DPYS: variants seen among roughly 807,000 people sequenced by gnomAD.
The protein encoded by DPYS is dihydropyrimidinase, also known as dihydropyrimidine amidohydrolase.
DPYS carries 39 observed loss-of-function variants against 50.3 expected under a neutral mutation model. That is an observed-to-expected ratio of 0.78 (90% CI 0.60 to 1.01). The LOEUF (loss-of-function observed/expected upper bound fraction) is 1.01. DPYS is among the 50% of genes least tolerant of loss of function. DPYS has a pLI of 0.00. For missense variants in DPYS, 659 were observed against 680.9 expected, an observed-to-expected ratio of 0.97 and a Z score of 0.36; for synonymous variants, 245 against 250.7, an observed-to-expected ratio of 0.98 and a Z score of 0.22.
At position 104,381,207 on chromosome 8, in the gene DPYS, G is replaced by A. The variant is rs766965467; in HGVS notation, c.1551C>T (p.Ala517=). 16 of 1,613,892 alleles carry A rather than the reference G, an allele frequency of 9.9e-6. No individual in the cohort carries two copies. In the South Asian group the frequency reaches 1.5e-4, roughly 16 times the overall value. ...ACCGATGGCACACACTTCAGGGGTG[G>A]GCCTGTTTCCTGGTCCCTGCTGTGG... is the stretch of plus-strand genomic sequence containing the variant. ...EDATAGTRKQ[A]HP The change falls in exon 9 of 10, where the codon GCC becomes GCT. Residue 517 remains alanine, a synonymous_variant. Coordinates refer to ENST00000351513, the MANE Select transcript of DPYS (RefSeq NM_001385.3).
intron 7 of DPYS, among the ~76,000 whole-genome samples, chr8:104,421,823 G>A (rs56215468): frequency 0.061 from 9,233 of 152,204 alleles, 423 homozygotes; most frequent in Non-Finnish European, 0.098. Flanking sequence ...ATCTTTATGT[G>A]CTATTCTGAA....
chr8:104,426,368 C>A (rs1309081108), intron 6 of DPYS, among the ~76,000 whole-genome samples: 1 of 152,126 alleles, frequency 6.6e-6, no homozygotes. Context: ...CAGTACAGAA[C>A]AAGAGTTCTT....
chr8:104,443,019 G>A lies in DPYS; in HGVS notation c.793+1229C>T, dbSNP rs192385599. ...TTCAGTGAGCCAAGATTGTACCACTGCACTCCAGCCTGGGCAACAGAGTGA... is the reference window on the plus strand; with the variant it reads ...TTCAGTGAGCCAAGATTGTACCACTACACTCCAGCCTGGGCAACAGAGTGA... On this transcript the variant is annotated intron_variant, in intron 4 of 9. Transcript: ENST00000351513. Among the ~76,000 whole-genome samples the A allele has an allele frequency of 2.9e-4, 44 of 152,278 alleles. 1 individual carries two copies. The highest frequency in any genetic ancestry group is 1.2e-3 in the Admixed American group (19 of 15,298).
intron 4 of DPYS, among the ~76,000 whole-genome samples, chr8:104,438,586 A>G (rs1409678750): frequency 6.6e-6 from 1 of 152,118 alleles, no homozygotes; most frequent in East Asian, 1.9e-4. Context: ...CTTCTCACTA[A>G]TTGTTTCTAC....
At chr8:104,386,989 T>C (rs1366537736) in intron 8 of DPYS, among the ~76,000 whole-genome samples, 1 of 152,174 alleles carries the variant, frequency 6.6e-6, no homozygotes, top group African/African-American at 2.4e-5. Context: ...GTATTAATGA[T>C]TGAATGCTGT....
Position 104,466,799 on chromosome 8 carries a change from G to A in DPYS, c.122C>T (p.Pro41Leu), listed in dbSNP as rs758538156. Reference sequence around the variant, plus strand: ...CAGCCCCGCAGGAGCGCCCCCGGGAGGCAGCAGGTCGTGCCCGAGTGCCCG... The same window carrying A: ...CAGCCCCGCAGGAGCGCCCCCGGGAAGCAGCAGGTCGTGCCCGAGTGCCCG... ...VVRALGHDLL[P>L]PGGAPAGLRV... is the part of the protein sequence containing the mutation. The change falls in exon 1 of 10, where the codon CCT becomes CTT. Residue 41 changes from proline (P) to leucine (L), a missense_variant. Pro to Leu is a moderately conservative substitution (Grantham distance 98, BLOSUM62 -3). Transcript: ENST00000351513. The A allele has an allele frequency of 6.5e-7, 1 of 1,534,370 alleles. No individual in the cohort carries two copies.
intron 7 of DPYS, chr8:104,423,877 G>T: frequency 1.4e-6 from 1 of 708,654 alleles, no homozygotes; most frequent in Non-Finnish European, 1.7e-6. Flanking sequence ...CTTTAAAAAG[G>T]CTGTAATTAT....
At chr8:104,444,554 G>C in intron 3 of DPYS, 117 bp from the exon 4 acceptor site, 1 of 1,081,858 alleles carries the variant, frequency 9.2e-7, no homozygotes. Flanking sequence ...GTATAGGGGT[G>C]TGTGTGTGTC....
At chr8:104,437,060 C>G (rs1813177495) in intron 4 of DPYS, among the ~76,000 whole-genome samples, 1 of 151,956 alleles carries the variant, frequency 6.6e-6, no homozygotes, top group South Asian at 2.1e-4. Context: ...AGCAAAAATT[C>G]AAATATCTTT....
At chr8:104,384,896 C>G (rs1811163035) in intron 8 of DPYS, among the ~76,000 whole-genome samples, 1 of 152,188 alleles carries the variant, frequency 6.6e-6, no homozygotes, top group African/African-American at 2.4e-5. Context: ...GATGGTCTTC[C>G]TGCATCACTG....
At chr8:104,388,161 G>A (rs1811271465) in intron 8 of DPYS, among the ~76,000 whole-genome samples, 1 of 152,152 alleles carries the variant, frequency 6.6e-6, no homozygotes, top group African/African-American at 2.4e-5. Context: ...CAGAAATGGA[G>A]AATACCCATC....
intron 4 of DPYS, among the ~76,000 whole-genome samples, chr8:104,437,265 G>C (rs1371022592): frequency 6.6e-6 from 1 of 152,140 alleles, no homozygotes; most frequent in East Asian, 1.9e-4. Context: ...AGCCTTGTCA[G>C]AGGTGTTCCA....
At chr8:104,455,692 G>A (rs1322896564) in intron 1 of DPYS, among the ~76,000 whole-genome samples, 1 of 152,148 alleles carries the variant, frequency 6.6e-6, no homozygotes, top group Non-Finnish European at 1.5e-5. Flanking sequence ...AATGGCCAGG[G>A]AGCGAGAAGC....
intron 1 of DPYS, among the ~76,000 whole-genome samples, chr8:104,464,446 G>A (rs1205705064): frequency 6.6e-6 from 1 of 152,192 alleles, no homozygotes; most frequent in Non-Finnish European, 1.5e-5. Context: ...ATGGCAGAAA[G>A]AGAATGAAAG....
At chr8:104,451,999 T>C (rs1460125183) in intron 1 of DPYS, among the ~76,000 whole-genome samples, 1 of 152,168 alleles carries the variant, frequency 6.6e-6, no homozygotes, top group Non-Finnish European at 1.5e-5. Flanking sequence ...TTGATCTTCA[T>C]CTCCCACTCC....
intron 7 of DPYS, chr8:104,420,441 C>T (rs1363196688): frequency 6.6e-6 from 1 of 152,100 alleles, no homozygotes; most frequent in African/African-American, 2.4e-5. Flanking sequence ...CCACAACAAA[C>T]ACGCTTTCTC....
At chr8:104,414,329 T>A (rs1812295369) in intron 7 of DPYS, among the ~76,000 whole-genome samples, 1 of 152,210 alleles carries the variant, frequency 6.6e-6, no homozygotes, top group African/African-American at 2.4e-5. Context: ...AACTTGAGTG[T>A]GTATCAGAAG....
intron 7 of DPYS, among the ~76,000 whole-genome samples, chr8:104,404,973 C>G (rs1564086704): frequency 6.6e-6 from 1 of 151,836 alleles, no homozygotes; most frequent in East Asian, 1.9e-4. Context: ...AATAACAACA[C>G]AAGGCTCTGA....
chr8:104,380,010 C>G (rs1053801450), intron 9 of DPYS, among the ~76,000 whole-genome samples, 167 bp from the exon 10 acceptor site: 1 of 152,248 alleles, frequency 6.6e-6, no homozygotes. Context: ...CTTTCTCTTG[C>G]TAATCTTTCC....
Sources: allele counts gnomAD v4.1 joint callset (sites outside exome capture counted in the v4.1 genomes callset), GRCh38; gene constraint gnomAD v4.1.1; transcripts MANE v1.5; gene names NCBI Gene and HGNC (gene_info 2026-07-23, HGNC 2026-07-21).